PDXK: variants seen among roughly 807,000 people sequenced by gnomAD.
The protein encoded by PDXK is pyridoxal kinase, also known as epididymis secretory sperm binding protein Li 1a.
PDXK carries 15 observed loss-of-function variants against 43.2 expected under a neutral mutation model. That is an observed-to-expected ratio of 0.35 (90% confidence interval 0.23 to 0.53). The LOEUF is 0.53. Ranked by LOEUF, PDXK falls within the 20% of genes least tolerant of loss-of-function variation. The pLI, the probability that PDXK is intolerant of heterozygous loss-of-function variation, is 0.92. For synonymous variants in PDXK, 172 were observed against 165.4 expected (o/e 1.04, Z -0.31); for missense variants, 343 against 417.0 (o/e 0.82, Z 1.54).
At chr21:43,751,592 C>T (rs1173409993) in intron 7 of PDXK, among the ~76,000 whole-genome samples, 1 of 152,120 alleles carries the variant, frequency 6.6e-6, no homozygotes, top group Admixed American at 6.5e-5. Flanking sequence ...AACTTTGTTC[C>T]CCACAGTTCT....
chr21:43,752,715 A>G (rs1179698627), intron 8 of PDXK, 86 bp downstream of exon 8: 1 of 796,176 alleles, frequency 1.3e-6, no homozygotes, highest in Non-Finnish European at 2.1e-6. Context: ...TTTTGGGTTC[A>G]ATAGCATGAA....
chr21:43,759,854 C>A lies in PDXK; in HGVS notation c.*3791C>A, dbSNP rs113457669. 1 of 152,212 alleles carries A rather than the reference C, an allele frequency of 6.6e-6. No homozygotes were observed. Among genetic ancestry groups the A allele is most frequent in the Non-Finnish European group, 1.5e-5 (1 of 68,052 alleles). 9.4% of individuals were successfully genotyped at this position (152,212 alleles called of 1,614,324 possible). A position where few individuals can be genotyped will look rare whatever the true frequency, so the allele number is the denominator to read the frequency against. On this transcript the variant is annotated 3_prime_UTR_variant, in exon 11 of 11. Transcript: ENST00000291565. ...AGAGGCGGCTCCCGTGTCCGTCCAC[C>A]GAGCACTCAGATGGATGCTGATCAC...
In PDXK at chr21:43,734,860, G is replaced by T. The variant is rs749742350; in HGVS notation, c.142+737G>T. 1.3e-5 allele frequency among the ~76,000 whole-genome samples: 2 copies of T among 152,168 alleles called. No homozygotes were observed. Among genetic ancestry groups the T allele is most frequent in the Non-Finnish European group, 2.9e-5 (2 of 68,036 alleles). ...GTTCTGTTCTTTGAAACCCCACCTCGCTTCCCCTGAAATTTCTCTGAACCC... is the reference window on the plus strand; with the variant it reads ...GTTCTGTTCTTTGAAACCCCACCTCTCTTCCCCTGAAATTTCTCTGAACCC... On this transcript the variant is annotated intron_variant, in intron 2 of 10. Transcript: ENST00000291565. The surrounding 1 kb of genome is among the most constrained non-coding windows in gnomAD (Gnocchi z 5.0).
At chr21:43,736,286 C>T (rs963298281) in intron 2 of PDXK, among the ~76,000 whole-genome samples, 24 of 152,160 alleles carry the variant, frequency 1.6e-4, no homozygotes, top group Admixed American at 7.2e-4. Context: ...TGTTCTGCTC[C>T]GGGCACCCTT....
At chr21:43,740,315 G>A (rs1348375425) in intron 2 of PDXK, among the ~76,000 whole-genome samples, 3 of 152,160 alleles carry the variant, frequency 2.0e-5, no homozygotes, top group Non-Finnish European at 4.4e-5. Flanking sequence ...CCTCTGGTGT[G>A]GGAATTCAGG....
At position 43,732,339 on chromosome 21, in the gene PDXK, C is replaced by A. The variant is rs765849224; in HGVS notation, c.88-1730C>A. The A allele has an allele frequency of 2.5e-6, 4 of 1,607,594 alleles. No homozygotes were observed. The South Asian group carries it at 4.4e-5, about 18-fold the overall frequency. Reference sequence around the variant, plus strand: ...TGGCACCCCGCCCCCCGTGCATTGTCGTCTTCTGAGTCTGGCTTTGTCTGG... The same window carrying A: ...TGGCACCCCGCCCCCCGTGCATTGTAGTCTTCTGAGTCTGGCTTTGTCTGG... On this transcript the variant is annotated intron_variant, in intron 1 of 10. Coordinates refer to ENST00000291565, the MANE Select transcript of PDXK (RefSeq NM_003681.5). This position sits in a 1 kb window ranked among gnomAD's most constrained non-coding sequence, Gnocchi z 4.1.
chr21:43,719,968 CA>C (rs2083193325), intron 1 of PDXK: 1 of 966,902 alleles, frequency 1.0e-6, no homozygotes, highest in African/African-American at 1.8e-5. Context: ...GAGGGTGGGG[CA>C]GGGGCTGCTC....
chr21:43,744,753 T>TGTA (rs1190180222), intron 4 of PDXK: 1 of 152,238 alleles, frequency 6.6e-6, no homozygotes, highest in African/African-American at 2.4e-5. Flanking sequence ...GACCCAGCAA[T>TGTA]TCCGCCCTGC....
intron 1 of PDXK, among the ~76,000 whole-genome samples, chr21:43,730,001 C>T (rs1332966198): frequency 2.0e-5 from 3 of 152,034 alleles, no homozygotes; most frequent in Non-Finnish European, 2.9e-5. Flanking sequence ...GGTAGCACGG[C>T]GGCCTAATAA....
chr21:43,756,134 C>T lies in PDXK; in HGVS notation c.*71C>T, dbSNP rs746846554. ...TGTTTGTCCCTGTGAAAACATGTAA[C>T]GTCTGCCTTAGAGCCATGACCGAAA... is the stretch of plus-strand genomic sequence containing the variant. On this transcript the variant is annotated 3_prime_UTR_variant, in exon 11 of 11. Coordinates refer to ENST00000291565, the MANE Select transcript of PDXK (RefSeq NM_003681.5). 7.7e-5 allele frequency: 68 copies of T among 886,104 alleles called. No individual in the cohort carries two copies. The highest frequency in any genetic ancestry group is 1.1e-4 in the Non-Finnish European group (61 of 546,714). 54.9% of individuals were successfully genotyped at this position (886,104 alleles called of 1,614,324 possible). A position where few individuals can be genotyped will look rare whatever the true frequency, so the allele number is the denominator to read the frequency against.
chr21:43,745,825 C>T (rs138028800), intron 4 of PDXK: 5,785 of 529,246 alleles, frequency 0.011, 54 homozygotes, highest in Middle Eastern at 0.025. Context: ...GGTGAGAACC[C>T]ATCTGTACAA....
At chr21:43,740,710 A>G (rs1214630980) in intron 2 of PDXK, among the ~76,000 whole-genome samples, 1 of 151,726 alleles carries the variant, frequency 6.6e-6, no homozygotes, top group African/African-American at 2.4e-5. Context: ...CGGACACTTC[A>G]CCCTGGCTAC....
chr21:43,746,929 T>G (rs2083648946), intron 5 of PDXK, among the ~76,000 whole-genome samples: 1 of 151,940 alleles, frequency 6.6e-6, no homozygotes, highest in Non-Finnish European at 1.5e-5. Flanking sequence ...GCCCAGGAGT[T>G]CAAGACCAGC....
At position 43,734,139 on chromosome 21, in the gene PDXK, C is replaced by T. The variant is rs570811556; in HGVS notation, c.142+16C>T. ...AACCACACAGGTAAGGCGTTGGCTC[C>T]AGCAGCTGGCATAGAGCAGACTGTG... On this transcript the variant is annotated intron_variant, in intron 2 of 10. Transcript: ENST00000291565. The surrounding 1 kb of genome is among the most constrained non-coding windows in gnomAD (Gnocchi z 5.0). 3.7e-6 allele frequency: 6 copies of T among 1,611,990 alleles called. No homozygotes were observed. Among genetic ancestry groups the T allele is most frequent in the African/African-American group, 1.3e-5 (1 of 74,982 alleles).
chr21:43,724,289 C>T (rs2083232291), intron 1 of PDXK, among the ~76,000 whole-genome samples: 1 of 152,182 alleles, frequency 6.6e-6, no homozygotes, highest in African/African-American at 2.4e-5. Context: ...CCCTGGAACC[C>T]TGGATGTCAG....
Position 43,737,192 on chromosome 21 carries a change from C to T in PDXK, c.142+3069C>T. 1 of 1,445,426 alleles carries T rather than the reference C, an allele frequency of 6.9e-7. No homozygotes were observed. Among genetic ancestry groups the T allele is most frequent in the Admixed American group, 2.6e-5 (1 of 39,098 alleles). 89.5% of individuals were successfully genotyped at this position (1,445,426 alleles called of 1,614,324 possible). ...TCCCGGCAGGGACACGGGTGTTCCACACAAGCTGCGTTGTTGGTTCCCTGA... is the reference window on the plus strand; with the variant it reads ...TCCCGGCAGGGACACGGGTGTTCCATACAAGCTGCGTTGTTGGTTCCCTGA... On this transcript the variant is annotated intron_variant, in intron 2 of 10. Coordinates refer to ENST00000291565, the MANE Select transcript of PDXK (RefSeq NM_003681.5). The surrounding 1 kb of genome is among the most constrained non-coding windows in gnomAD (Gnocchi z 4.8).
At chr21:43,749,126 A>G (rs764569602) in intron 6 of PDXK, 46 bp downstream of exon 6, 5 of 1,195,314 alleles carry the variant, frequency 4.2e-6, no homozygotes, top group Non-Finnish European at 6.1e-6. Context: ...ATTTTTCAAG[A>G]TGGGTCTCGC....
At chr21:43,742,855 G>A (rs141199314) in intron 3 of PDXK, among the ~76,000 whole-genome samples, 22 of 152,284 alleles carry the variant, frequency 1.4e-4, no homozygotes, top group Non-Finnish European at 2.6e-4. Context: ...GGGACAGAAT[G>A]AGACCCTGTC....
At position 43,752,613 on chromosome 21, in the gene PDXK, G is replaced by C; in HGVS notation, c.606G>C (p.Leu202=). ...SPQGSNYLIV[L]GSQRRRNPAG... ...AGGGCAGCAACTACCTGATTGTGCT[G>C]GGGAGTCAGAGGAGGAGTAAGTGCC... is the stretch of plus-strand genomic sequence containing the variant. The change falls in exon 8 of 11, where the codon CTG becomes CTC. Residue 202 remains leucine, a synonymous_variant. Coordinates refer to ENST00000291565, the MANE Select transcript of PDXK (RefSeq NM_003681.5). 6.2e-7 allele frequency: 1 copy of C among 1,610,570 alleles called. No homozygotes were observed.
Sources: gnomAD v4.1 joint callset for allele counts (sites outside exome capture counted in the v4.1 genomes callset) on GRCh38, gnomAD v4.1.1 for gene constraint, Gnocchi (gnomAD v3.1) non-coding constraint, MANE v1.5 for transcripts, NCBI Gene and HGNC (gene_info 2026-07-23, HGNC 2026-07-21) for gene names.